LTBP1: variants seen among roughly 807,000 people sequenced by gnomAD.
LTBP1 encodes latent-transforming growth factor beta-binding protein 1.
In LTBP1, 129 loss-of-function variants were observed where a neutral mutation model predicts 207.6. That is an observed-to-expected ratio of 0.62 (90% CI 0.54 to 0.72). The LOEUF (loss-of-function observed/expected upper bound fraction) is 0.72. Ranked by LOEUF, LTBP1 falls within the 30% of genes least tolerant of loss-of-function variation. The probability of loss-of-function intolerance (pLI) is 0.00; values close to 1 mark genes in which losing one functional copy is unlikely to be tolerated. For synonymous variants in LTBP1, 963 were observed against 833.7 expected (o/e 1.16, Z -2.67); for missense variants, 2,281 against 2,217.2 (o/e 1.03, Z -0.58).
At chr2:33,063,026 G>A (rs923042409) in intron 3 of LTBP1, 3 of 152,184 alleles carry the variant, frequency 2.0e-5, no homozygotes, top group Non-Finnish European at 1.5e-5. Flanking sequence ...ATGGGTAACT[G>A]AAACAGCAGA....
At chr2:33,360,833 C>CG (rs2094919794) in intron 27 of LTBP1, 54 bp downstream of exon 27, 3 of 1,533,134 alleles carry the variant, frequency 2.0e-6, no homozygotes, top group Non-Finnish European at 2.7e-6. Flanking sequence ...CATGGTGTCC[C>CG]TGGGCCTTGA....
intron 2 of LTBP1, among the ~76,000 whole-genome samples, chr2:32,969,444 G>T (rs1450417807): frequency 6.6e-6 from 1 of 151,882 alleles, no homozygotes. Context: ...CCACCCTCAC[G>T]TAGGCCCAGT....
At chr2:33,081,301 A>G (rs1294258596) in intron 3 of LTBP1, among the ~76,000 whole-genome samples, 1 of 152,078 alleles carries the variant, frequency 6.6e-6, no homozygotes, top group African/African-American at 2.4e-5. Context: ...GTTTTTTTAA[A>G]TGTCAAGGTG....
intron 32 of LTBP1, among the ~76,000 whole-genome samples, chr2:33,393,640 C>T (rs1574150032): frequency 6.6e-6 from 1 of 152,154 alleles, no homozygotes; most frequent in Non-Finnish European, 1.5e-5. Flanking sequence ...TTTATGGCTG[C>T]ATAGCATTCC....
intron 28 of LTBP1, 148 bp from the exon 29 acceptor site, chr2:33,363,242 T>C: frequency 1.4e-6 from 1 of 732,896 alleles, no homozygotes; most frequent in Non-Finnish European, 2.1e-6. Context: ...GGCCTTATTT[T>C]AAGAAGGTTA....
intron 24 of LTBP1, among the ~76,000 whole-genome samples, chr2:33,320,312 T>C (rs2094335701): frequency 6.7e-6 from 1 of 149,490 alleles, no homozygotes; most frequent in African/African-American, 2.5e-5. Context: ...GAAGTTGCAG[T>C]GAGCCAAGGT....
In LTBP1 at chr2:33,201,008, T is replaced by A. The variant is rs574159497; in HGVS notation, c.1701+12157T>A. The stretch of plus-strand genomic sequence containing the variant: ...GCTGGAGAGGATGTGGAGAATTAGG[T>A]ACACTTTTACACTGTTGGTGGGACT... On this transcript the variant is annotated intron_variant, in intron 7 of 33. Transcript: ENST00000404816. Among the ~76,000 whole-genome samples the A allele has an allele frequency of 5.3e-5, 8 of 152,248 alleles. No individual in the cohort carries two copies. In the East Asian group the frequency reaches 5.8e-4, roughly 11 times the overall value.
At position 33,082,984 on chromosome 2, in the gene LTBP1, G is replaced by C. The variant is rs377605054; in HGVS notation, c.864-27598G>C. On this transcript the variant is annotated intron_variant, in intron 3 of 33. Coordinates refer to ENST00000404816, the MANE Select transcript of LTBP1 (RefSeq NM_206943.4). ...CAGGCCCTTGGGCTCTTTGCTGTGT[G>C]GGAAGCTTTGTGAGGCTGCTGCCTG... 2.0e-5 allele frequency among the ~76,000 whole-genome samples: 3 copies of C among 152,070 alleles called. No individual in the cohort carries two copies. The South Asian group carries it at 6.2e-4, about 32-fold the overall frequency.
intron 24 of LTBP1, 126 bp from the exon 25 acceptor site, chr2:33,342,712 T>G: frequency 1.2e-6 from 1 of 837,990 alleles, no homozygotes; most frequent in South Asian, 3.2e-5. Context: ...GTTTTCTGTG[T>G]AAACATGTTC....
intron 31 of LTBP1, among the ~76,000 whole-genome samples, chr2:33,385,826 A>C (rs1171233208): frequency 6.6e-6 from 1 of 152,188 alleles, no homozygotes; most frequent in Non-Finnish European, 1.5e-5. Context: ...ACGGGACTTT[A>C]GCACATCTTC....
intron 2 of LTBP1, among the ~76,000 whole-genome samples, chr2:33,009,452 C>T (rs950891169): frequency 2.0e-5 from 3 of 152,076 alleles, no homozygotes; most frequent in Admixed American, 6.6e-5. Flanking sequence ...GTATGTGTGA[C>T]GTAATCCAGT....
At chr2:33,005,622 T>C (rs748605649) in intron 2 of LTBP1, among the ~76,000 whole-genome samples, 1 of 139,832 alleles carries the variant, frequency 7.2e-6, no homozygotes, top group African/African-American at 2.8e-5. Flanking sequence ...TTTGAGACAG[T>C]GTGTTTCTGG....
intron 3 of LTBP1, among the ~76,000 whole-genome samples, chr2:33,046,766 A>G (rs1486181050): frequency 6.6e-6 from 1 of 152,122 alleles, no homozygotes; most frequent in East Asian, 1.9e-4. Context: ...TTGGTAGGCT[A>G]TTAATTACCG....
chr2:32,993,617 A>C (rs931401655), intron 2 of LTBP1, among the ~76,000 whole-genome samples: 1 of 152,208 alleles, frequency 6.6e-6, no homozygotes, highest in African/African-American at 2.4e-5. Context: ...AATGTAACCC[A>C]CAGGTTGGCT....
chr2:33,127,239 T>C (rs897042484), intron 4 of LTBP1, among the ~76,000 whole-genome samples: 1 of 152,174 alleles, frequency 6.6e-6, no homozygotes, highest in Non-Finnish European at 1.5e-5. Context: ...TCTTTTTTTT[T>C]CTTTTATGCA....
intron 4 of LTBP1, among the ~76,000 whole-genome samples, chr2:33,123,639 A>C (rs2150421483): frequency 6.6e-6 from 1 of 152,338 alleles, no homozygotes; most frequent in South Asian, 2.1e-4. Context: ...ATACAAACAG[A>C]TGTGCTGAAG....
chr2:33,148,696 T>C (rs2083253528), intron 5 of LTBP1, among the ~76,000 whole-genome samples: 1 of 152,200 alleles, frequency 6.6e-6, no homozygotes, highest in African/African-American at 2.4e-5. Context: ...CTCACTTAGC[T>C]CACTCTGTTA....
At chr2:33,018,384 C>T (rs955094343) in intron 2 of LTBP1, among the ~76,000 whole-genome samples, 2 of 151,584 alleles carry the variant, frequency 1.3e-5, no homozygotes, top group East Asian at 1.9e-4. Context: ...GTACCTTGGG[C>T]GGGAGGAGAA....
intron 5 of LTBP1, among the ~76,000 whole-genome samples, chr2:33,167,587 G>A (rs187655035): frequency 9.8e-4 from 150 of 152,354 alleles, no homozygotes; most frequent in Non-Finnish European, 1.8e-3. Context: ...GGGAGTGGGA[G>A]CTTCCAGCTT....
Sources: gnomAD v4.1 joint callset for allele counts (sites outside exome capture counted in the v4.1 genomes callset) on GRCh38, gnomAD v4.1.1 for gene constraint, MANE v1.5 for transcripts, NCBI Gene and HGNC (gene_info 2026-07-23, HGNC 2026-07-21) for gene names.